The following GPAT4 variants were observed in gnomAD, a reference collection of about 807,000 sequenced individuals.
GPAT4 encodes 1-AGP acyltransferase 6.
A neutral mutation model predicts 58.0 loss-of-function variants in GPAT4; 17 were observed. That is an observed-to-expected ratio of 0.29 (90% CI 0.20 to 0.44). The LOEUF (loss-of-function observed/expected upper bound fraction) is 0.44, where lower values mean the gene tolerates loss of function less well. GPAT4 is among the 20% of genes least tolerant of loss of function. GPAT4 has a pLI of 1.00. For missense variants in GPAT4, 377 were observed against 574.5 expected (o/e 0.66, Z 3.51); for synonymous variants, 204 against 210.1 (o/e 0.97, Z 0.25).
intron 10 of GPAT4, among the ~76,000 whole-genome samples, chr8:41,615,696 ACAT>A (rs1025683616): frequency 6.6e-6 from 1 of 152,210 alleles, no homozygotes; most frequent in African/African-American, 2.4e-5. Context: ...ACCAGGCCTC[ACAT>A]CATGACACCT....
chr8:41,592,940 G>A (rs1802833306), intron 1 of GPAT4, among the ~76,000 whole-genome samples: 1 of 152,118 alleles, frequency 6.6e-6, no homozygotes, highest in African/African-American at 2.4e-5. Context: ...TTCTGAAGGT[G>A]GACTGGATCC....
rs118119705 is a variant in GPAT4 at position 41,601,591 on chromosome 8, G to A, written c.165+2287G>A. ...ATTTGTAAGCAAGTGGTTAATTCAT[G>A]GACCTATGGAAGTTGTAATTATTAA... On this transcript the variant is annotated intron_variant, in intron 2 of 12. Coordinates refer to ENST00000396987, the MANE Select transcript of GPAT4 (RefSeq NM_178819.4). Among the ~76,000 whole-genome samples, 625 of 152,250 alleles carry A rather than the reference G, an allele frequency of 4.1e-3. 3 individuals carry two copies. The highest frequency in any genetic ancestry group is 6.4e-3 in the Non-Finnish European group (433 of 68,018).
At chr8:41,604,176 C>T (rs1384718753) in intron 2 of GPAT4, among the ~76,000 whole-genome samples, 1 of 151,778 alleles carries the variant, frequency 6.6e-6, no homozygotes, top group African/African-American at 2.4e-5. Context: ...TCACATTTTA[C>T]TAAATAATCT....
chr8:41,607,058 A>T (rs1803295106), intron 2 of GPAT4, among the ~76,000 whole-genome samples: 1 of 152,154 alleles, frequency 6.6e-6, no homozygotes, highest in Non-Finnish European at 1.5e-5. Flanking sequence ...TTTCAGGATG[A>T]AATATTTTGG....
At chr8:41,611,735 CAT>C (rs1803450908) in intron 5 of GPAT4, among the ~76,000 whole-genome samples, 166 bp from the exon 6 acceptor site, 1 of 152,210 alleles carries the variant, frequency 6.6e-6, no homozygotes, top group African/African-American at 2.4e-5. Context: ...TTTCTCTCCT[CAT>C]GTGTGAACAT....
chr8:41,615,177 G>A (rs1803558641), intron 10 of GPAT4, 129 bp downstream of exon 10: 3 of 808,530 alleles, frequency 3.7e-6, no homozygotes, highest in South Asian at 1.7e-5. Context: ...GTGGCGTGGG[G>A]CTGGGTTGAC....
At chr8:41,582,274 G>A (rs1052702261) in intron 1 of GPAT4, among the ~76,000 whole-genome samples, 1 of 152,092 alleles carries the variant, frequency 6.6e-6, no homozygotes, top group Non-Finnish European at 1.5e-5. Flanking sequence ...AAAGTGCTGG[G>A]ATTACAGGCG....
chr8:41,599,619 C>T lies in GPAT4; in HGVS notation c.165+315C>T, dbSNP rs569619627. On this transcript the variant is annotated intron_variant, in intron 2 of 12. Transcript: ENST00000396987. ...TTCTTGCATAACTGATGCCATAGCT[C>T]GAAGCTGCTGCAGGCATATTCCCTC... 2.6e-5 allele frequency among the ~76,000 whole-genome samples: 4 copies of T among 152,274 alleles called. No individual in the cohort carries two copies. In the South Asian group the frequency reaches 6.2e-4, roughly 24 times the overall value.
chr8:41,599,377 C>T lies in GPAT4; in HGVS notation c.165+73C>T, dbSNP rs547752246. 100 of 1,541,554 alleles carry T rather than the reference C, an allele frequency of 6.5e-5. No individual in the cohort carries two copies. The South Asian group carries it at 1.1e-3, about 17-fold the overall frequency. ...TGCATTTAGCAAAAAGTTATTCTTA[C>T]AGGCCTATTATCTCTTTATTAGATA... On this transcript the variant is annotated intron_variant, in intron 2 of 12. Transcript: ENST00000396987.
At chr8:41,581,989 A>T (rs1255942753) in intron 1 of GPAT4, among the ~76,000 whole-genome samples, 1 of 125,462 alleles carries the variant, frequency 8.0e-6, no homozygotes, top group East Asian at 2.5e-4. Context: ...AGGGAAGTTC[A>T]ATGATTTTTT....
intron 2 of GPAT4, among the ~76,000 whole-genome samples, chr8:41,608,920 A>G (rs570427412): frequency 1.8e-4 from 28 of 152,322 alleles, no homozygotes; most frequent in African/African-American, 6.3e-4. Context: ...CTCCCATTAA[A>G]ATGTTACTCC....
intron 8 of GPAT4, 44 bp downstream of exon 8, chr8:41,613,004 C>A: frequency 6.4e-7 from 1 of 1,560,262 alleles, no homozygotes. Context: ...AGTTAGAATG[C>A]TGAAAAGGTT....
intron 1 of GPAT4, among the ~76,000 whole-genome samples, chr8:41,583,090 G>A (rs555831354): frequency 5.9e-4 from 90 of 152,178 alleles, no homozygotes; most frequent in African/African-American, 1.9e-3. Flanking sequence ...GCCGGCTGTG[G>A]TGGCCTGTGC....
At chr8:41,587,257 T>G (rs1802679467) in intron 1 of GPAT4, among the ~76,000 whole-genome samples, 1 of 152,246 alleles carries the variant, frequency 6.6e-6, no homozygotes, top group South Asian at 2.1e-4. Flanking sequence ...CATGTGAACT[T>G]TCTGAATGAG....
At chr8:41,592,685 A>T (rs984848521) in intron 1 of GPAT4, among the ~76,000 whole-genome samples, 3 of 152,110 alleles carry the variant, frequency 2.0e-5, no homozygotes, top group Non-Finnish European at 4.4e-5. Flanking sequence ...AAAACATTTC[A>T]TGTTTTTCCT....
At chr8:41,595,160 T>G (rs1000570049) in intron 1 of GPAT4, among the ~76,000 whole-genome samples, 1 of 150,348 alleles carries the variant, frequency 6.7e-6, no homozygotes, top group Non-Finnish European at 1.5e-5. Flanking sequence ...GGTATAGTTT[T>G]TTTTTTTTTT....
chr8:41,584,057 C>T (rs533005293), intron 1 of GPAT4, among the ~76,000 whole-genome samples: 1 of 152,210 alleles, frequency 6.6e-6, no homozygotes, highest in South Asian at 2.1e-4. Flanking sequence ...CCACCACGCC[C>T]AGCTAATTTG....
rs936808938 is a variant in GPAT4 at position 41,624,844 on chromosome 8, C to G, written c.*3843C>G. On this transcript the variant is annotated 3_prime_UTR_variant, in exon 13 of 13. Coordinates refer to ENST00000396987, the MANE Select transcript of GPAT4 (RefSeq NM_178819.4). Reference sequence around the variant, plus strand: ...TTGCGGGGGTGATTGCGCTGGCTGCCGGGGGGTGGGCTTCTCATATGCATT... The same window carrying G: ...TTGCGGGGGTGATTGCGCTGGCTGCGGGGGGGTGGGCTTCTCATATGCATT... The G allele has an allele frequency of 6.6e-6, 1 of 151,748 alleles. No individual in the cohort carries two copies. Among genetic ancestry groups the G allele is most frequent in the Non-Finnish European group, 1.5e-5 (1 of 67,962 alleles). The allele number at this position is 151,748 out of a possible 1,614,324, so 9.4% of individuals were successfully genotyped here. A position where few individuals can be genotyped will look rare whatever the true frequency, so the allele number is the denominator to read the frequency against.
intron 1 of GPAT4, among the ~76,000 whole-genome samples, chr8:41,597,479 ATC>A (rs1189553913): frequency 6.6e-6 from 1 of 152,178 alleles, no homozygotes; most frequent in East Asian, 1.9e-4. Context: ...GAGGAGTTTA[ATC>A]TCTATGTGGA....
Sources: allele counts gnomAD v4.1 joint callset (sites outside exome capture counted in the v4.1 genomes callset), GRCh38; gene constraint gnomAD v4.1.1; transcripts MANE v1.5; gene names NCBI Gene and HGNC (gene_info 2026-07-23, HGNC 2026-07-21).